RBMS1: variants seen among roughly 807,000 people sequenced by gnomAD.
RBMS1 encodes RNA binding motif single stranded interacting protein 1.
Under a neutral mutation model 62.3 loss-of-function variants are expected in RBMS1, and 17 were observed. The observed-to-expected ratio is 0.27, with a 90% confidence interval of 0.19 to 0.41. The LOEUF is 0.41. Ranked by LOEUF, RBMS1 falls within the 10% of genes least tolerant of loss-of-function variation. The pLI, the probability that RBMS1 is intolerant of heterozygous loss-of-function variation, is 1.00. For synonymous variants in RBMS1, 172 were observed against 170.0 expected, an observed-to-expected ratio of 1.01 and a Z score of -0.09; for missense variants, 334 against 504.5, an observed-to-expected ratio of 0.66 and a Z score of 3.24.
rs1291570037 is a variant in RBMS1, at chr2:160,342,141, ATCT to A, written c.252-23917_252-23915del. 4.6e-5 allele frequency among the ~76,000 whole-genome samples: 7 copies of A among 152,302 alleles called. No individual in the cohort carries two copies. The East Asian group carries it at 1.4e-3, about 29-fold the overall frequency. Reference sequence around the variant, plus strand: ...ATCATTAAACTGGGAGACAAAAATCATCTTCTGAGAAGCATGTGTTTTGAGTAT... The same window carrying A: ...ATCATTAAACTGGGAGACAAAAATCATCTGAGAAGCATGTGTTTTGAGTAT... On this transcript the variant is annotated intron_variant, in intron 2 of 13. Coordinates refer to ENST00000348849, the MANE Select transcript of RBMS1 (RefSeq NM_016836.4).
chr2:160,394,120 G>A (rs1050413117), intron 1 of RBMS1, among the ~76,000 whole-genome samples: 4 of 152,180 alleles, frequency 2.6e-5, no homozygotes, highest in Non-Finnish European at 1.5e-5. Context: ...CCCACTTTTC[G>A]TTGGACTATG....
At chr2:160,439,936 T>C (rs1683332393) in intron 1 of RBMS1, among the ~76,000 whole-genome samples, 1 of 151,724 alleles carries the variant, frequency 6.6e-6, no homozygotes, top group Admixed American at 6.6e-5. Flanking sequence ...GCGCCTGCAA[T>C]CGCAGGCACT....
At chr2:160,373,615 C>A (rs1282616260) in intron 1 of RBMS1, among the ~76,000 whole-genome samples, 1 of 152,042 alleles carries the variant, frequency 6.6e-6, no homozygotes, top group Non-Finnish European at 1.5e-5. Flanking sequence ...GTTTTTGTAA[C>A]AGCATTTATA....
intron 4 of RBMS1, among the ~76,000 whole-genome samples, chr2:160,308,082 C>A (rs1243639194): frequency 6.6e-6 from 1 of 152,144 alleles, no homozygotes; most frequent in Admixed American, 6.5e-5. Flanking sequence ...CTCCCTATCA[C>A]CCAAGCACAG....
chr2:160,298,100 C>T (rs997607253), intron 6 of RBMS1, among the ~76,000 whole-genome samples: 1 of 152,034 alleles, frequency 6.6e-6, no homozygotes, highest in African/African-American at 2.4e-5. Flanking sequence ...TAGGCAGTGG[C>T]AGAAGAAAGG....
chr2:160,406,310 A>G (rs895448076), intron 1 of RBMS1, among the ~76,000 whole-genome samples: 1 of 152,222 alleles, frequency 6.6e-6, no homozygotes, highest in Non-Finnish European at 1.5e-5. Context: ...ATACACACAA[A>G]AAAGAATGAC....
chr2:160,480,837 T>C (rs1685334441), intron 1 of RBMS1, among the ~76,000 whole-genome samples: 1 of 152,022 alleles, frequency 6.6e-6, no homozygotes, highest in South Asian at 2.1e-4. Flanking sequence ...AAGAATCCAC[T>C]GGGAGGCCGA....
chr2:160,331,250 G>A (rs1297361192), intron 2 of RBMS1, among the ~76,000 whole-genome samples: 1 of 152,066 alleles, frequency 6.6e-6, no homozygotes, highest in Non-Finnish European at 1.5e-5. Context: ...CCTGTATATC[G>A]CTATACAGGT....
Position 160,378,536 on chromosome 2 carries a change from C to T in RBMS1, c.76-11145G>A, listed in dbSNP as rs535782841. Reference sequence around the variant, plus strand: ...GCTGAGGTGGGACGATCACTTGAGCCGGGAGGTCAAGGCTGCACTGAGCTG... The same window carrying T: ...GCTGAGGTGGGACGATCACTTGAGCTGGGAGGTCAAGGCTGCACTGAGCTG... On this transcript the variant is annotated intron_variant, in intron 1 of 13. Coordinates refer to ENST00000348849, the MANE Select transcript of RBMS1 (RefSeq NM_016836.4). 2.2e-4 allele frequency among the ~76,000 whole-genome samples: 33 copies of T among 151,902 alleles called. No individual in the cohort carries two copies. In the East Asian group the frequency reaches 5.8e-3, roughly 27 times the overall value.
At chr2:160,294,831 T>C (rs768149249) in intron 6 of RBMS1, among the ~76,000 whole-genome samples, 18 of 152,168 alleles carry the variant, frequency 1.2e-4, no homozygotes, top group Non-Finnish European at 2.1e-4. Flanking sequence ...AACATTCAAG[T>C]GGAGGCTCAT....
chr2:160,413,636 A>C (rs1043836200), intron 1 of RBMS1, among the ~76,000 whole-genome samples: 2 of 152,226 alleles, frequency 1.3e-5, no homozygotes, highest in African/African-American at 4.8e-5. Context: ...GTCCTACCAG[A>C]AGCCATAGTC....
At chr2:160,398,818 G>C (rs1173146969) in intron 1 of RBMS1, among the ~76,000 whole-genome samples, 1 of 152,078 alleles carries the variant, frequency 6.6e-6, no homozygotes. Flanking sequence ...GCCTACGATG[G>C]TCTATTCCCG....
At chr2:160,354,581 T>C (rs557255496) in intron 2 of RBMS1, among the ~76,000 whole-genome samples, 1 of 152,226 alleles carries the variant, frequency 6.6e-6, no homozygotes, top group South Asian at 2.1e-4. Flanking sequence ...GGACCACAAA[T>C]GAATGTCTCT....
At chr2:160,476,366 T>C (rs556488748) in intron 1 of RBMS1, among the ~76,000 whole-genome samples, 1 of 152,106 alleles carries the variant, frequency 6.6e-6, no homozygotes, top group Non-Finnish European at 1.5e-5. Context: ...AAAGCTCATT[T>C]TTATCCTAAT....
At chr2:160,481,680 T>A (rs1006016811) in intron 1 of RBMS1, among the ~76,000 whole-genome samples, 1 of 152,144 alleles carries the variant, frequency 6.6e-6, no homozygotes, top group Non-Finnish European at 1.5e-5. Flanking sequence ...TTGTTATTTT[T>A]AAAAAATGAT....
chr2:160,392,650 G>A (rs1694927701), intron 1 of RBMS1, among the ~76,000 whole-genome samples: 1 of 152,094 alleles, frequency 6.6e-6, no homozygotes, highest in Non-Finnish European at 1.5e-5. Flanking sequence ...AGCACTTTGG[G>A]AAGTCAAGGT....
intron 1 of RBMS1, among the ~76,000 whole-genome samples, chr2:160,434,480 GAGAC>G (rs1481458290): frequency 2.0e-5 from 3 of 151,032 alleles, no homozygotes; most frequent in Non-Finnish European, 4.4e-5. Flanking sequence ...GCCTTTGAGG[GAGAC>G]AGAAAGGAAA....
At chr2:160,424,107 C>T (rs1028394926) in intron 1 of RBMS1, among the ~76,000 whole-genome samples, 5 of 151,850 alleles carry the variant, frequency 3.3e-5, no homozygotes, top group Admixed American at 6.6e-5. Context: ...TAACCTCCGC[C>T]ACTTGGGTTC....
At chr2:160,482,592 A>G (rs1211987013) in intron 1 of RBMS1, among the ~76,000 whole-genome samples, 2 of 152,164 alleles carry the variant, frequency 1.3e-5, no homozygotes, top group African/African-American at 4.8e-5. Flanking sequence ...TTTTAGAATA[A>G]TATGTCTGAT....
Sources: gnomAD v4.1 joint callset for allele counts (sites outside exome capture counted in the v4.1 genomes callset) on GRCh38, gnomAD v4.1.1 for gene constraint, MANE v1.5 for transcripts, NCBI Gene and HGNC (gene_info 2026-07-23, HGNC 2026-07-21) for gene names.